Variants in ATG7 observed in about 807,000 individuals in gnomAD.
ATG7 encodes autophagy related 7.
A neutral mutation model predicts 82.4 loss-of-function variants in ATG7; 70 were observed. The ratio of observed to expected loss-of-function variants is 0.85; its 90% CI spans 0.70 to 1.04. ATG7 has a LOEUF of 1.04. ATG7 is among the 50% of genes least tolerant of loss of function. The pLI is 0.00. For missense variants in ATG7, 792 were observed against 864.3 expected, an observed-to-expected ratio of 0.92 and a Z score of 1.05; for synonymous variants, 287 against 313.0, an observed-to-expected ratio of 0.92 and a Z score of 0.88.
At chr3:11,375,632 T>C (rs903003242) in intron 18 of ATG7, among the ~76,000 whole-genome samples, 5 of 152,222 alleles carry the variant, frequency 3.3e-5, no homozygotes, top group African/African-American at 1.2e-4. Context: ...CGATCGCAGC[T>C]CACTGCAACC....
At chr3:11,375,681 T>C (rs2077366490) in intron 18 of ATG7, among the ~76,000 whole-genome samples, 1 of 152,202 alleles carries the variant, frequency 6.6e-6, no homozygotes, top group Non-Finnish European at 1.5e-5. Context: ...TGCCTCAGCC[T>C]CCCGAGGAGC....
chr3:11,434,813 A>G lies in ATG7; in HGVS notation c.2079+7887A>G, dbSNP rs78694752. On this transcript the variant is annotated intron_variant, in intron 20 of 20. Coordinates refer to ENST00000693202, the MANE Select transcript of ATG7 (RefSeq NM_001349232.2). ...AGTCTAAGCGAGAAAGAAGGGGGGA[A>G]ATCATAAATGCTGAAAGCAAAGCAA... is the stretch of plus-strand genomic sequence containing the variant. Among the ~76,000 whole-genome samples, 332 of 152,320 alleles carry G rather than the reference A, an allele frequency of 2.2e-3. 1 individual carries two copies. Among genetic ancestry groups the G allele is most frequent in the African/African-American group, 7.6e-3 (317 of 41,564 alleles).
chr3:11,404,195 C>T (rs950413621), intron 19 of ATG7, among the ~76,000 whole-genome samples: 4 of 130,444 alleles, frequency 3.1e-5, no homozygotes, highest in Non-Finnish European at 4.6e-5. Context: ...TGCAGTGGTG[C>T]GATCTTCTCG....
At chr3:11,382,921 A>G (rs1172698783) in intron 19 of ATG7, among the ~76,000 whole-genome samples, 1 of 152,166 alleles carries the variant, frequency 6.6e-6, no homozygotes, top group African/African-American at 2.4e-5. Context: ...TCGTCCTCCA[A>G]TCCCTCCTTC....
chr3:11,553,028 AC>A (rs2071966657), intron 20 of ATG7, among the ~76,000 whole-genome samples: 2 of 152,130 alleles, frequency 1.3e-5, no homozygotes, highest in Non-Finnish European at 2.9e-5. Context: ...TTTGGTACTG[AC>A]CCTGCCCTGC....
In ATG7 at chr3:11,320,729, A is replaced by G. The variant is rs1950107326; in HGVS notation, c.678+5236A>G. 2.0e-5 allele frequency among the ~76,000 whole-genome samples: 3 copies of G among 152,248 alleles called. No individual in the cohort carries two copies. In the South Asian group the frequency reaches 6.2e-4, roughly 32 times the overall value. On this transcript the variant is annotated intron_variant, in intron 9 of 20. Transcript: ENST00000693202. ...CATGGCATCATGCCTGGTGTGTAAA[A>G]TGCAATGGAAGGATGAATTCATGCA...
rs1419287138 is a variant in ATG7 at position 11,453,746 on chromosome 3, C to T, written c.2079+26820C>T. On this transcript the variant is annotated intron_variant, in intron 20 of 20. Coordinates refer to ENST00000693202, the MANE Select transcript of ATG7 (RefSeq NM_001349232.2). ...TCCCTTCCCTGGGTGGGCCATCCTG[C>T]GTCTGCCTGCATCCACACATGTAGG... Among the ~76,000 whole-genome samples the T allele has an allele frequency of 3.3e-5, 5 of 152,212 alleles. No individual in the cohort carries two copies. In the East Asian group the frequency reaches 7.7e-4, roughly 24 times the overall value.
chr3:11,390,995 A>G (rs756001986), intron 19 of ATG7, among the ~76,000 whole-genome samples: 5 of 152,222 alleles, frequency 3.3e-5, no homozygotes, highest in Non-Finnish European at 5.9e-5. Context: ...TTGCAGTACC[A>G]TAGCCATGAA....
downstream of ATG7, among the ~76,000 whole-genome samples, chr3:11,562,201 A>G (rs1264758994): frequency 6.6e-6 from 1 of 152,008 alleles, no homozygotes; most frequent in Non-Finnish European, 1.5e-5. Context: ...CCAGCCCTCA[A>G]TGTGCGAAGC....
At chr3:11,481,258 C>T (rs1176756817) in intron 20 of ATG7, among the ~76,000 whole-genome samples, 2 of 152,206 alleles carry the variant, frequency 1.3e-5, no homozygotes, top group Non-Finnish European at 2.9e-5. Flanking sequence ...GGTTGCACAA[C>T]AGTGTGAATG....
intron 2 of ATG7, among the ~76,000 whole-genome samples, chr3:11,281,378 A>G (rs1409034280): frequency 6.6e-6 from 1 of 152,216 alleles, no homozygotes; most frequent in Admixed American, 6.5e-5. Context: ...TAATTTTCTG[A>G]TTGTACAAAG....
intron 20 of ATG7, among the ~76,000 whole-genome samples, chr3:11,467,337 C>T (rs766833147): frequency 1.2e-4 from 19 of 152,060 alleles, no homozygotes; most frequent in Non-Finnish European, 2.4e-4. Context: ...TTTCCTAATC[C>T]GTAAAATGGA....
At position 11,488,404 on chromosome 3, in the gene ATG7, G is replaced by A. The variant is rs866380062; in HGVS notation, c.2079+61478G>A. On this transcript the variant is annotated intron_variant, in intron 20 of 20. Coordinates refer to ENST00000693202, the MANE Select transcript of ATG7 (RefSeq NM_001349232.2). Reference sequence around the variant, plus strand: ...AAAGACTGAGACAGCTCCGCTGCCCGCTGAACTCCATCCTCCCGGCGGTCG... The same window carrying A: ...AAAGACTGAGACAGCTCCGCTGCCCACTGAACTCCATCCTCCCGGCGGTCG... 6,506 of 1,201,816 alleles carry A rather than the reference G, an allele frequency of 5.4e-3. 61 individuals carry two copies. The highest frequency in any genetic ancestry group is 0.04 in the African/African-American group (2,407 of 60,460). 74.4% of individuals were successfully genotyped at this position (1,201,816 alleles called of 1,614,324 possible).
At chr3:11,466,699 A>T (rs532743837) in intron 20 of ATG7, among the ~76,000 whole-genome samples, 13 of 152,254 alleles carry the variant, frequency 8.5e-5, no homozygotes, top group Non-Finnish European at 1.5e-4. Flanking sequence ...ATGAAGGATT[A>T]TAGCACCTTT....
intron 20 of ATG7, among the ~76,000 whole-genome samples, chr3:11,488,014 C>T (rs369288647): frequency 2.4e-4 from 1 of 4,170 alleles, no homozygotes; most frequent in South Asian, 4.8e-3. Flanking sequence ...GATGGGGCGG[C>T]GGGGCAGAGG....
At chr3:11,447,753 G>C (rs1406051209) in intron 20 of ATG7, among the ~76,000 whole-genome samples, 1 of 152,154 alleles carries the variant, frequency 6.6e-6, no homozygotes, top group Non-Finnish European at 1.5e-5. Flanking sequence ...GGCCAGGCCT[G>C]GGTCACATGC....
At chr3:11,524,144 C>T (rs2092513039) in intron 20 of ATG7, among the ~76,000 whole-genome samples, 1 of 152,244 alleles carries the variant, frequency 6.6e-6, no homozygotes, top group African/African-American at 2.4e-5. Flanking sequence ...AACCCCAAAT[C>T]TCTCCACTGT....
At chr3:11,410,206 T>C (rs923910450) in intron 19 of ATG7, among the ~76,000 whole-genome samples, 3 of 152,204 alleles carry the variant, frequency 2.0e-5, no homozygotes, top group African/African-American at 7.2e-5. Flanking sequence ...ACAAGAAATA[T>C]CACTTTATTT....
chr3:11,491,202 C>T (rs897409004), intron 20 of ATG7, among the ~76,000 whole-genome samples: 3 of 152,136 alleles, frequency 2.0e-5, no homozygotes, highest in African/African-American at 7.2e-5. Flanking sequence ...AACTTCCCTT[C>T]TTGCTTCATT....
Sources: gnomAD v4.1 joint callset for allele counts (sites outside exome capture counted in the v4.1 genomes callset) on GRCh38, gnomAD v4.1.1 for gene constraint, MANE v1.5 for transcripts, NCBI Gene and HGNC (gene_info 2026-07-23, HGNC 2026-07-21) for gene names.